VPS8: variants seen among roughly 807,000 people sequenced by gnomAD.
VPS8 encodes VPS8 subunit of CORVET complex, also known as vacuolar protein sorting-associated protein 8 homolog.
In VPS8, 129 loss-of-function variants were observed where a neutral mutation model predicts 216.4. That is an observed-to-expected ratio of 0.60 (90% confidence interval 0.52 to 0.69). The LOEUF is 0.69. Ranked by LOEUF, VPS8 falls within the 30% of genes least tolerant of loss-of-function variation. VPS8 has a pLI of 0.00. For synonymous variants in VPS8, 571 were observed against 565.4 expected, an observed-to-expected ratio of 1.01 and a Z score of -0.14; for missense variants, 1,531 against 1,683.5, an observed-to-expected ratio of 0.91 and a Z score of 1.59.
chr3:184,855,888 C>T, intron 14 of VPS8, 70 bp downstream of exon 14: 1 of 1,251,408 alleles, frequency 8.0e-7, no homozygotes, highest in East Asian at 2.5e-5. Flanking sequence ...AATAATGTGT[C>T]AGAGAAATTT....
chr3:185,030,578 A>C (rs1757977413), intron 46 of VPS8, among the ~76,000 whole-genome samples: 1 of 152,200 alleles, frequency 6.6e-6, no homozygotes, highest in Non-Finnish European at 1.5e-5. Flanking sequence ...CATTCAGTAA[A>C]TATTCCGCAA....
intron 21 of VPS8, among the ~76,000 whole-genome samples, chr3:184,885,106 C>T (rs971853116): frequency 1.3e-5 from 2 of 152,072 alleles, no homozygotes; most frequent in African/African-American, 4.8e-5. Context: ...CAGGGATAGC[C>T]CTATAATCCT....
chr3:184,895,588 GCTCCTCCTCCTCCC>G (rs1733238239), intron 23 of VPS8, among the ~76,000 whole-genome samples: 2 of 38,460 alleles, frequency 5.2e-5, no homozygotes, highest in African/African-American at 1.1e-4. Flanking sequence ...TCCTCCTCCT[GCTCCTCCTCCTCCC>G]CCCCTCCTCC....
chr3:184,848,676 C>G (rs1327706845), intron 8 of VPS8, among the ~76,000 whole-genome samples: 1 of 142,852 alleles, frequency 7.0e-6, no homozygotes, highest in Non-Finnish European at 1.5e-5. Flanking sequence ...TTAAGTGATT[C>G]TTGTGCCTCA....
intron 45 of VPS8, among the ~76,000 whole-genome samples, chr3:185,014,447 G>A (rs946999795): frequency 5.3e-5 from 8 of 152,100 alleles, no homozygotes; most frequent in Admixed American, 3.3e-4. Context: ...TATCCAAATC[G>A]GCTGTTGATT....
intron 45 of VPS8, among the ~76,000 whole-genome samples, chr3:185,008,015 A>G (rs946799328): frequency 6.6e-6 from 1 of 152,042 alleles, no homozygotes; most frequent in Non-Finnish European, 1.5e-5. Flanking sequence ...TCTGATATAA[A>G]TAGGTCATAT....
At chr3:185,048,617 G>A (rs964548697) in intron 47 of VPS8, 58 bp downstream of exon 47, 43 of 1,585,890 alleles carry the variant, frequency 2.7e-5, no homozygotes, top group Non-Finnish European at 3.6e-5. Flanking sequence ...TACTGCTTTA[G>A]ACAGGCAGTG....
At chr3:184,886,081 C>T in intron 21 of VPS8, 29 bp from the exon 22 acceptor site, 1 of 1,600,498 alleles carries the variant, frequency 6.2e-7, no homozygotes, top group Non-Finnish European at 8.5e-7. Context: ...GGTTGTGGGG[C>T]TGATGCTTTC....
rs1424473238 is a variant in VPS8, at chr3:184,894,856, T to C, written c.1935T>C (p.Asp645=). ...AAGACTTGATTGTTCATTTCCAAGA[T>C]AAAAAATTAATGGAAAATGTGGAAG... ...VMKDLIVHFQ[D]KKLMENVEAL... The change falls in exon 23 of 48, where the codon GAT becomes GAC. Residue 645 remains aspartate (D), a synonymous_variant. Transcript: ENST00000625842. 6.2e-7 allele frequency: 1 copy of C among 1,610,192 alleles called. No homozygotes were observed. Among genetic ancestry groups the C allele is most frequent in the East Asian group, 2.2e-5 (1 of 44,780 alleles).
chr3:184,853,285 C>T (rs897862514), intron 11 of VPS8, among the ~76,000 whole-genome samples: 3 of 152,032 alleles, frequency 2.0e-5, no homozygotes, highest in South Asian at 2.1e-4. Context: ...CAAACCAGCA[C>T]GTAAATGAAA....
intron 45 of VPS8, among the ~76,000 whole-genome samples, chr3:185,022,015 AT>A (rs1014852703): frequency 6.6e-6 from 1 of 152,164 alleles, no homozygotes; most frequent in Non-Finnish European, 1.5e-5. Flanking sequence ...CTCATCTTGA[AT>A]TGTAGTTCCC....
At chr3:184,971,932 C>T (rs1748485911) in intron 40 of VPS8, among the ~76,000 whole-genome samples, 180 bp downstream of exon 40, 4 of 152,106 alleles carry the variant, frequency 2.6e-5, no homozygotes, top group African/African-American at 4.8e-5. Context: ...AAAAATTAGC[C>T]GGGCGTGGTG....
At chr3:184,913,072 T>C (rs1736851450) in intron 25 of VPS8, among the ~76,000 whole-genome samples, 1 of 152,260 alleles carries the variant, frequency 6.6e-6, no homozygotes, top group South Asian at 2.1e-4. Context: ...TCATTTAGTT[T>C]AGTTCTGTTA....
intron 14 of VPS8, among the ~76,000 whole-genome samples, chr3:184,858,292 A>G (rs1188780662): frequency 2.6e-5 from 4 of 152,226 alleles, no homozygotes. Flanking sequence ...TTGGGCTGCA[A>G]GAGTTACACA....
intron 46 of VPS8, among the ~76,000 whole-genome samples, chr3:185,044,507 G>A (rs1429248726): frequency 6.6e-6 from 1 of 152,132 alleles, no homozygotes; most frequent in African/African-American, 2.4e-5. Context: ...GGGAGGGAGG[G>A]TTGTCGCATC....
intron 45 of VPS8, among the ~76,000 whole-genome samples, chr3:185,013,954 C>A (rs1419969091): frequency 1.3e-5 from 2 of 152,296 alleles, no homozygotes; most frequent in East Asian, 3.9e-4. Flanking sequence ...TTCATTTTTT[C>A]TAACTGGGAC....
At chr3:184,896,497 G>A (rs1286323018) in intron 23 of VPS8, among the ~76,000 whole-genome samples, 1 of 152,062 alleles carries the variant, frequency 6.6e-6, no homozygotes. Context: ...TTTCTTGAAA[G>A]CGTTGTCTAG....
chr3:184,957,041 T>C (rs981505742), intron 36 of VPS8, among the ~76,000 whole-genome samples: 4 of 152,200 alleles, frequency 2.6e-5, no homozygotes, highest in African/African-American at 7.2e-5. Flanking sequence ...TATAGTTACT[T>C]AGAGATCAAA....
intron 37 of VPS8, among the ~76,000 whole-genome samples, chr3:184,959,250 T>G (rs1215082958): frequency 6.6e-6 from 1 of 152,172 alleles, no homozygotes; most frequent in African/African-American, 2.4e-5. Context: ...CTTTATTGCC[T>G]CCTTAAAGTT....
Sources: gnomAD v4.1 joint callset for allele counts (sites outside exome capture counted in the v4.1 genomes callset) on GRCh38, gnomAD v4.1.1 for gene constraint, MANE v1.5 for transcripts, NCBI Gene and HGNC (gene_info 2026-07-23, HGNC 2026-07-21) for gene names.